Variants in KCNIP4 observed in about 807,000 individuals in gnomAD.
The protein encoded by KCNIP4 is potassium voltage-gated channel interacting protein 4, also known as Kv channel-interacting protein 4.
In KCNIP4, 12 loss-of-function variants were observed where a neutral mutation model predicts 34.0. The observed-to-expected ratio is 0.35, with a 90% CI of 0.23 to 0.57. The LOEUF (loss-of-function observed/expected upper bound fraction) is 0.57, where lower values mean the gene tolerates loss of function less well. KCNIP4 is among the 20% of genes least tolerant of loss of function. The pLI, the probability that KCNIP4 is intolerant of heterozygous loss-of-function variation, is 0.83. For missense variants in KCNIP4, 238 were observed against 311.7 expected (o/e 0.76, Z 1.78); for synonymous variants, 124 against 102.2 (o/e 1.21, Z -1.29).
intron 1 of KCNIP4, among the ~76,000 whole-genome samples, chr4:20,922,998 A>T (rs1729559118): frequency 6.6e-6 from 1 of 152,038 alleles, no homozygotes; most frequent in Non-Finnish European, 1.5e-5. Context: ...ACAACAGTGT[A>T]AAAAAGATGG....
intron 1 of KCNIP4, among the ~76,000 whole-genome samples, chr4:21,348,061 C>T (rs1338846614): frequency 6.6e-6 from 1 of 152,130 alleles, no homozygotes; most frequent in Non-Finnish European, 1.5e-5. Flanking sequence ...TTCATCCACA[C>T]ATAAAGGCCA....
intron 1 of KCNIP4, among the ~76,000 whole-genome samples, chr4:20,966,947 C>T (rs1166474608): frequency 1.3e-5 from 2 of 152,130 alleles, no homozygotes; most frequent in African/African-American, 4.8e-5. Context: ...GGCAGGAGAA[C>T]TGAGGTTCAG....
At chr4:21,948,433 A>T (rs1255095475) in intron 1 of KCNIP4, 138 bp downstream of exon 1, 2 of 910,262 alleles carry the variant, frequency 2.2e-6, no homozygotes, top group African/African-American at 1.7e-5. Flanking sequence ...TCCCCTTCCC[A>T]GTCCCGCCAG....
chr4:21,370,850 T>TACACACACACAC (rs376590317), intron 1 of KCNIP4, among the ~76,000 whole-genome samples: 10 of 14,852 alleles, frequency 6.7e-4, no homozygotes, highest in South Asian at 5.4e-3. Flanking sequence ...TATATATATA[T>TACACACACACAC]ACACACACAC....
intron 1 of KCNIP4, among the ~76,000 whole-genome samples, chr4:21,082,249 A>G (rs1417248170): frequency 6.6e-6 from 1 of 151,824 alleles, no homozygotes; most frequent in African/African-American, 2.4e-5. Flanking sequence ...CTCATGAGAC[A>G]CCACTAAGCA....
intron 1 of KCNIP4, among the ~76,000 whole-genome samples, chr4:21,447,017 G>C (rs966144132): frequency 1.3e-5 from 2 of 150,944 alleles, no homozygotes; most frequent in Non-Finnish European, 2.9e-5. Flanking sequence ...AAAAGAAAAA[G>C]AGACTGAACA....
chr4:21,789,070 C>A (rs1319524682), intron 1 of KCNIP4, among the ~76,000 whole-genome samples: 178 of 93,896 alleles, frequency 1.9e-3, no homozygotes, highest in Non-Finnish European at 2.5e-3. Context: ...GAGATTCTGT[C>A]AAAAAAAAAA....
chr4:21,876,444 G>T (rs1011510933), intron 1 of KCNIP4, among the ~76,000 whole-genome samples: 44 of 152,220 alleles, frequency 2.9e-4, no homozygotes, highest in African/African-American at 8.9e-4. Context: ...CCTGGGTTAA[G>T]AAGCAGAAGC....
intron 1 of KCNIP4, among the ~76,000 whole-genome samples, chr4:21,332,614 T>A (rs1384820649): frequency 6.6e-6 from 1 of 151,986 alleles, no homozygotes; most frequent in Non-Finnish European, 1.5e-5. Flanking sequence ...ACTTTTTCTA[T>A]CTCCACTCTC....
chr4:21,184,601 G>C (rs1755077677), intron 1 of KCNIP4, among the ~76,000 whole-genome samples: 1 of 152,140 alleles, frequency 6.6e-6, no homozygotes, highest in Non-Finnish European at 1.5e-5. Context: ...GATAGGTTTG[G>C]CACTTTTGTG....
chr4:21,383,066 A>G (rs1264794696), intron 1 of KCNIP4, among the ~76,000 whole-genome samples: 3 of 152,166 alleles, frequency 2.0e-5, no homozygotes. Flanking sequence ...AGAAGAAGAA[A>G]TCTGGACACA....
chr4:21,359,522 T>A (rs545856941), intron 1 of KCNIP4, among the ~76,000 whole-genome samples: 1 of 152,268 alleles, frequency 6.6e-6, no homozygotes, highest in South Asian at 2.1e-4. Context: ...CCATAAGTAT[T>A]TGTAAATTTT....
chr4:20,922,191 G>A (rs1476093454), intron 1 of KCNIP4, among the ~76,000 whole-genome samples: 2 of 152,166 alleles, frequency 1.3e-5, no homozygotes, highest in Non-Finnish European at 2.9e-5. Context: ...CAGATGGCTA[G>A]TCAAATGTTC....
chr4:20,791,401 T>C lies in KCNIP4; in HGVS notation c.289-32511A>G, dbSNP rs544743537. On this transcript the variant is annotated intron_variant, in intron 3 of 8. Transcript: ENST00000382152. ...ATCACATGAGTAAATAAAATATTTG[T>C]CTTTATTATTTAAATATCCTTAAGA... Among the ~76,000 whole-genome samples, 510 of 152,270 alleles carry C rather than the reference T, an allele frequency of 3.3e-3. 7 individuals are homozygous for C. Among genetic ancestry groups the C allele is most frequent in the Non-Finnish European group, 5.4e-3 (365 of 68,002 alleles).
intron 1 of KCNIP4, among the ~76,000 whole-genome samples, chr4:21,182,483 A>C (rs1754913847): frequency 6.7e-6 from 1 of 149,542 alleles, no homozygotes; most frequent in Non-Finnish European, 1.5e-5. Flanking sequence ...CTAATAATAC[A>C]TTTAAGGGGT....
At chr4:21,059,082 T>C (rs1023152849) in intron 1 of KCNIP4, among the ~76,000 whole-genome samples, 2 of 152,120 alleles carry the variant, frequency 1.3e-5, no homozygotes, top group African/African-American at 2.4e-5. Context: ...TCTTCCAGCA[T>C]GATTGTGAGG....
At chr4:21,601,874 G>A (rs369663856) in intron 1 of KCNIP4, among the ~76,000 whole-genome samples, 18 of 152,050 alleles carry the variant, frequency 1.2e-4, no homozygotes, top group African/African-American at 2.9e-4. Flanking sequence ...TCACCTCCTC[G>A]GAGAAGCTCT....
At chr4:20,814,155 A>G (rs1408519592) in intron 3 of KCNIP4, among the ~76,000 whole-genome samples, 1 of 152,208 alleles carries the variant, frequency 6.6e-6, no homozygotes, top group Non-Finnish European at 1.5e-5. Flanking sequence ...TTTGTTAAAA[A>G]TGCAGACTCC....
chr4:21,283,051 T>C (rs1762880329), intron 1 of KCNIP4, among the ~76,000 whole-genome samples: 1 of 152,122 alleles, frequency 6.6e-6, no homozygotes, highest in African/African-American at 2.4e-5. Context: ...TCACAAATGC[T>C]AAGTAAAAAA....
Sources: gnomAD v4.1 joint callset for allele counts (sites outside exome capture counted in the v4.1 genomes callset) on GRCh38, gnomAD v4.1.1 for gene constraint, MANE v1.5 for transcripts, NCBI Gene and HGNC (gene_info 2026-07-23, HGNC 2026-07-21) for gene names.